The following NMNAT2 variants were observed in gnomAD, a reference collection of about 807,000 sequenced individuals.
The protein encoded by NMNAT2 is nicotinamide/nicotinic acid mononucleotide adenylyltransferase 2.
Under a neutral mutation model 41.6 loss-of-function variants are expected in NMNAT2, and 11 were observed. The ratio of observed to expected loss-of-function variants is 0.26; its 90% CI spans 0.17 to 0.44. The LOEUF (loss-of-function observed/expected upper bound fraction) is 0.44. Ranked by LOEUF, NMNAT2 falls within the 20% of genes least tolerant of loss-of-function variation. NMNAT2 has a pLI of 1.00. For synonymous variants in NMNAT2, 148 were observed against 151.2 expected (o/e 0.98, Z 0.16); for missense variants, 288 against 407.7 (o/e 0.71, Z 2.53).
chr1:183,340,527 T>C (rs1437177920), intron 1 of NMNAT2, among the ~76,000 whole-genome samples: 1 of 152,130 alleles, frequency 6.6e-6, no homozygotes, highest in Non-Finnish European at 1.5e-5. Flanking sequence ...TTTCACCATG[T>C]TGGCCAGGCT....
intron 10 of NMNAT2, among the ~76,000 whole-genome samples, chr1:183,259,627 TCTCA>T (rs1433864249): frequency 2.2e-4 from 34 of 152,128 alleles, no homozygotes; most frequent in Admixed American, 2.2e-3. Context: ...TGTGATGGGG[TCTCA>T]CTCTGTCACC....
At position 183,260,984 on chromosome 1, in the gene NMNAT2, G is replaced by T; in HGVS notation, c.821+18C>A. Reference sequence around the variant, plus strand: ...AGACAGTTTGACTAAAGTCTCTCTGGCCATTTGTCAAACATACCTGCTCTT... The same window carrying T: ...AGACAGTTTGACTAAAGTCTCTCTGTCCATTTGTCAAACATACCTGCTCTT... On this transcript the variant is annotated intron_variant, in intron 10 of 10. Transcript: ENST00000287713. 1 of 1,598,492 alleles carries T rather than the reference G, an allele frequency of 6.3e-7. No homozygotes were observed. The highest frequency in any genetic ancestry group is 8.6e-7 in the Non-Finnish European group (1 of 1,165,758).
intron 1 of NMNAT2, among the ~76,000 whole-genome samples, chr1:183,399,567 C>G (rs938926190): frequency 1.3e-5 from 2 of 152,112 alleles, no homozygotes; most frequent in Non-Finnish European, 2.9e-5. Context: ...TTTATGAGAC[C>G]AGCATCATCC....
intron 10 of NMNAT2, among the ~76,000 whole-genome samples, chr1:183,255,191 T>A (rs1660484715): frequency 6.6e-6 from 1 of 152,346 alleles, no homozygotes; most frequent in East Asian, 1.9e-4. Context: ...TTTATTGTGC[T>A]TTTTTGGTAC....
At chr1:183,315,027 T>G (rs572220192) in intron 1 of NMNAT2, among the ~76,000 whole-genome samples, 1 of 152,342 alleles carries the variant, frequency 6.6e-6, no homozygotes, top group African/African-American at 2.4e-5. Context: ...TTTGCGAAAG[T>G]ACGTTTCTAA....
chr1:183,387,343 A>C (rs10911324), intron 1 of NMNAT2, among the ~76,000 whole-genome samples: 37,586 of 151,724 alleles, frequency 0.25, 4,648 homozygotes, highest in South Asian at 0.29. Context: ...TAATGGATAG[A>C]TAAGACTAGT....
At chr1:183,269,771 A>G (rs1323777303) in intron 8 of NMNAT2, among the ~76,000 whole-genome samples, 1 of 152,246 alleles carries the variant, frequency 6.6e-6, no homozygotes, top group African/African-American at 2.4e-5. Flanking sequence ...TCCAAGTTGC[A>G]CAGCTAACGA....
rs1408517359 is a variant in NMNAT2 at position 183,250,606 on chromosome 1, C to T, written c.*2035G>A. The T allele has an allele frequency of 1.3e-5, 2 of 152,580 alleles. No homozygotes were observed. The highest frequency in any genetic ancestry group is 2.9e-5 in the Non-Finnish European group (2 of 68,028). The allele number at this position is 152,580 out of a possible 1,614,324, so 9.5% of individuals were successfully genotyped here. On this transcript the variant is annotated 3_prime_UTR_variant, in exon 11 of 11. Coordinates refer to ENST00000287713, the MANE Select transcript of NMNAT2 (RefSeq NM_015039.4). ...CACCTGCTGGCTGACCTGGACCAGC[C>T]ATTTAATCCCATGGGCCTCTGCTCC...
chr1:183,274,469 G>A (rs953936746), intron 8 of NMNAT2, among the ~76,000 whole-genome samples: 2 of 151,600 alleles, frequency 1.3e-5, no homozygotes, highest in African/African-American at 4.8e-5. Flanking sequence ...CCGCCACCAT[G>A]CCCGGCTAAT....
intron 8 of NMNAT2, among the ~76,000 whole-genome samples, chr1:183,273,621 G>GA (rs1571565247): frequency 6.6e-6 from 1 of 152,202 alleles, no homozygotes; most frequent in East Asian, 1.9e-4. Flanking sequence ...CAGACCTTGA[G>GA]ATCCAACCTT....
At chr1:183,377,355 C>T (rs570363577) in intron 1 of NMNAT2, among the ~76,000 whole-genome samples, 3 of 152,164 alleles carry the variant, frequency 2.0e-5, no homozygotes, top group African/African-American at 7.2e-5. Context: ...GTAAAAACAT[C>T]ACTGGAATAC....
chr1:183,356,578 A>G (rs1430913953), intron 1 of NMNAT2, among the ~76,000 whole-genome samples: 1 of 152,202 alleles, frequency 6.6e-6, no homozygotes, highest in African/African-American at 2.4e-5. Context: ...CCTGACTTCC[A>G]TTAGAACACG....
intron 6 of NMNAT2, 125 bp downstream of exon 6, chr1:183,284,585 G>T: frequency 1.2e-6 from 1 of 809,176 alleles, no homozygotes. Context: ...GCACAAGTAC[G>T]CACACACACA....
intron 8 of NMNAT2, among the ~76,000 whole-genome samples, chr1:183,271,495 A>G (rs1008765668): frequency 6.6e-6 from 1 of 152,172 alleles, no homozygotes; most frequent in Non-Finnish European, 1.5e-5. Flanking sequence ...GTTTTCTCAC[A>G]TGGCTGGGTG....
intron 1 of NMNAT2, among the ~76,000 whole-genome samples, chr1:183,357,702 G>A (rs548267): frequency 0.031 from 4,771 of 152,166 alleles, 109 homozygotes; most frequent in Non-Finnish European, 0.044. Context: ...CATTCTGACC[G>A]GTGTAAGATG....
At chr1:183,364,824 C>G (rs1009831893) in intron 1 of NMNAT2, among the ~76,000 whole-genome samples, 2 of 151,976 alleles carry the variant, frequency 1.3e-5, no homozygotes, top group African/African-American at 2.4e-5. Context: ...CCAGAGTAGG[C>G]GGGATTACAG....
At chr1:183,406,765 T>C (rs1237619970) in intron 1 of NMNAT2, among the ~76,000 whole-genome samples, 2 of 151,382 alleles carry the variant, frequency 1.3e-5, no homozygotes, top group Non-Finnish European at 2.9e-5. Context: ...TAAAACCTTT[T>C]TCAAACTGCA....
intron 1 of NMNAT2, among the ~76,000 whole-genome samples, chr1:183,408,499 G>A (rs151034073): frequency 2.2e-3 from 340 of 152,136 alleles, no homozygotes; most frequent in Middle Eastern, 6.8e-3. Flanking sequence ...CATATGGCCT[G>A]CAGGCCATAG....
At chr1:183,376,922 C>T (rs919467015) in intron 1 of NMNAT2, among the ~76,000 whole-genome samples, 5 of 151,990 alleles carry the variant, frequency 3.3e-5, no homozygotes, top group African/African-American at 1.2e-4. Context: ...ATAAGGTTCT[C>T]CTTGTGGATT....
Sources: gnomAD v4.1 joint callset for allele counts (sites outside exome capture counted in the v4.1 genomes callset) on GRCh38, gnomAD v4.1.1 for gene constraint, MANE v1.5 for transcripts, NCBI Gene and HGNC (gene_info 2026-07-23, HGNC 2026-07-21) for gene names.